The following KMT2C variants were observed in gnomAD, a reference collection of about 807,000 sequenced individuals.
The protein encoded by KMT2C is lysine methyltransferase 2C.
A neutral mutation model predicts 507.9 loss-of-function variants in KMT2C; 88 were observed. The ratio of observed to expected loss-of-function variants is 0.17; its 90% confidence interval spans 0.15 to 0.21. The LOEUF (loss-of-function observed/expected upper bound fraction) is 0.21. Ranked by LOEUF, KMT2C falls within the 10% of genes least tolerant of loss-of-function variation. The pLI, the probability that KMT2C is intolerant of heterozygous loss-of-function variation, is 1.00. For synonymous variants in KMT2C, 2,049 were observed against 2,080.8 expected, an observed-to-expected ratio of 0.98 and a Z score of 0.42; for missense variants, 4,954 against 5,957.8, an observed-to-expected ratio of 0.83 and a Z score of 5.55.
At chr7:152,371,378 G>A (rs1270092153) in intron 1 of KMT2C, among the ~76,000 whole-genome samples, 3 of 151,044 alleles carry the variant, frequency 2.0e-5, no homozygotes, top group Middle Eastern at 7.0e-3. Context: ...AAAAAAGGCT[G>A]TAGTAGATAC....
In KMT2C at chr7:152,144,971, C is replaced by G; in HGVS notation, c.14175-90G>C. On this transcript the variant is annotated intron_variant, in intron 54 of 58. Coordinates refer to ENST00000262189, the MANE Select transcript of KMT2C (RefSeq NM_170606.3). The surrounding 1 kb of genome is among the most constrained non-coding windows in gnomAD (Gnocchi z 4.4). ...GCCCAAAACCAGGTTAATTCAGATT[C>G]TTACTGACAGAAACATACATGGAAA... The G allele has an allele frequency of 7.0e-7, 1 of 1,426,420 alleles. No homozygotes were observed. The highest frequency in any genetic ancestry group is 1.4e-5 in the South Asian group (1 of 72,392). The allele number at this position is 1,426,420 out of a possible 1,614,324, so 88.4% of individuals were successfully genotyped here.
intron 31 of KMT2C, 65 bp from the exon 32 acceptor site, chr7:152,187,912 T>C: frequency 6.5e-7 from 1 of 1,532,572 alleles, no homozygotes; most frequent in Non-Finnish European, 9.0e-7. Context: ...GAAGTAAAGC[T>C]GGCCCTTGAA....
intron 6 of KMT2C, among the ~76,000 whole-genome samples, chr7:152,291,450 A>C (rs2096425810): frequency 6.6e-6 from 1 of 152,254 alleles, no homozygotes; most frequent in Non-Finnish European, 1.5e-5. Flanking sequence ...ATCAGGCTTT[A>C]AACACCTGAC....
Position 152,259,446 on chromosome 7 carries a change from GCACACACACA to G in KMT2C, c.1299+3560_1299+3569del, listed in dbSNP as rs372982101. Among the ~76,000 whole-genome samples, 568 of 134,786 alleles carry G rather than the reference GCACACACACA, an allele frequency of 4.2e-3. 1 individual carries two copies. Among genetic ancestry groups the G allele is most frequent in the Non-Finnish European group, 4.4e-3 (275 of 62,976 alleles). The allele number at this position is 134,786 out of a possible 152,430, so 88.4% of individuals were successfully genotyped here. ...GACAAAAACACAGACACACACACGCGCACACACACACACACACACACACACACACACACAC... is the reference window on the plus strand; with the variant it reads ...GACAAAAACACAGACACACACACGCGCACACACACACACACACACACACAC... On this transcript the variant is annotated intron_variant, in intron 9 of 58. Coordinates refer to ENST00000262189, the MANE Select transcript of KMT2C (RefSeq NM_170606.3).
rs184165121 is a variant in KMT2C at position 152,393,247 on chromosome 7, G to A, written c.162-34572C>T. 7.1e-3 allele frequency among the ~76,000 whole-genome samples: 1,074 copies of A among 152,204 alleles called. 5 individuals carry two copies. The highest frequency in any genetic ancestry group is 0.011 in the Non-Finnish European group (762 of 68,010). On this transcript the variant is annotated intron_variant, in intron 1 of 58. Transcript: ENST00000262189. ...CTATAAATTATGCATTGGACTCTGCGATCACCAGCCCCTACTTGTAAATTT... is the reference window on the plus strand; with the variant it reads ...CTATAAATTATGCATTGGACTCTGCAATCACCAGCCCCTACTTGTAAATTT...
intron 44 of KMT2C, chr7:152,158,018 G>T: frequency 1.2e-6 from 1 of 860,600 alleles, no homozygotes; most frequent in Non-Finnish European, 1.6e-6. Flanking sequence ...TGTTGAATAA[G>T]GCTTCAGAAA....
At chr7:152,269,719 A>G (rs1426826277) in intron 7 of KMT2C, among the ~76,000 whole-genome samples, 1 of 152,208 alleles carries the variant, frequency 6.6e-6, no homozygotes, top group East Asian at 1.9e-4. Context: ...GAAAGTGATG[A>G]GTATTTGAGT....
At chr7:152,167,048 C>CA (rs758737694) in intron 42 of KMT2C, 98 bp downstream of exon 42, 298 of 959,872 alleles carry the variant, frequency 3.1e-4, no homozygotes, top group Admixed American at 9.7e-4. Context: ...TAATACTAGT[C>CA]AAAAAAAATC....
chr7:152,344,226 G>C (rs1164403261), intron 2 of KMT2C, among the ~76,000 whole-genome samples: 1 of 152,046 alleles, frequency 6.6e-6, no homozygotes. Flanking sequence ...CTTATCCATG[G>C]GGAATATATT....
Position 152,162,940 on chromosome 7 carries a change from T to C in KMT2C, c.10637A>G (p.Gln3546Arg). ...HGNLSGTSFQQSPVRPSFTPA... is the reference protein window; with the variant it reads ...HGNLSGTSFQRSPVRPSFTPA... The stretch of plus-strand genomic sequence containing the variant: ...TGTAAAAGAAGGCCTCACTGGGGAC[T>C]GCTGGAAGCTGGTCCCAGAAAGATT... Residue 3546 changes from glutamine to arginine, a missense_variant, in exon 43 of 59, where the codon CAG becomes CGG. Gln to Arg is a conservative substitution (Grantham distance 43). Coordinates refer to ENST00000262189, the MANE Select transcript of KMT2C (RefSeq NM_170606.3). 1 of 1,614,196 alleles carries C rather than the reference T, an allele frequency of 6.2e-7. No individual in the cohort carries two copies. Among genetic ancestry groups the C allele is most frequent in the Non-Finnish European group, 8.5e-7 (1 of 1,180,030 alleles).
rs1461017596 is a variant in KMT2C at position 152,182,380 on chromosome 7, T to C, written c.5480A>G (p.Lys1827Arg). ...GNMSPAQSFH[K>R]ELFTKQPPST... ...GGGTGGCTGTTTTGTAAACAGTTCT[T>C]TATGGAATGACTGTGCAGGAGACAT... The change falls in exon 36 of 59, where the codon AAA becomes AGA. Residue 1827 changes from lysine (K) to arginine (R), a missense_variant. Lys to Arg is a conservative substitution (Grantham distance 26). Transcript: ENST00000262189. The C allele has an allele frequency of 1.9e-6, 3 of 1,613,450 alleles. No individual in the cohort carries two copies. Among genetic ancestry groups the C allele is most frequent in the Admixed American group, 3.3e-5 (2 of 59,948 alleles).
At chr7:152,294,852 A>G (rs953054107) in intron 6 of KMT2C, among the ~76,000 whole-genome samples, 1 of 152,062 alleles carries the variant, frequency 6.6e-6, no homozygotes, top group Non-Finnish European at 1.5e-5. Flanking sequence ...CCACCTTTTC[A>G]CTGGTTCTTC....
At chr7:152,170,287 T>A (rs574113140) in intron 40 of KMT2C, among the ~76,000 whole-genome samples, 2 of 152,182 alleles carry the variant, frequency 1.3e-5, no homozygotes, top group South Asian at 4.1e-4. Flanking sequence ...ATTATCAGCA[T>A]AATAAATCTA....
intron 18 of KMT2C, among the ~76,000 whole-genome samples, chr7:152,228,809 T>C (rs967970572): frequency 6.6e-6 from 1 of 152,198 alleles, no homozygotes; most frequent in Non-Finnish European, 1.5e-5. Context: ...TTTATGCATA[T>C]ATAACTCTAT....
At chr7:152,423,602 C>T (rs990895690) in intron 1 of KMT2C, among the ~76,000 whole-genome samples, 1 of 152,186 alleles carries the variant, frequency 6.6e-6, no homozygotes, top group Non-Finnish European at 1.5e-5. Context: ...AAGGGAGACA[C>T]TCCTGATGAC....
chr7:152,345,669 C>T (rs1398516724), intron 2 of KMT2C, among the ~76,000 whole-genome samples: 2 of 152,082 alleles, frequency 1.3e-5, no homozygotes, highest in East Asian at 1.9e-4. Flanking sequence ...GGACAGTACC[C>T]GCCACCATGC....
At chr7:152,376,828 A>T (rs2097331800) in intron 1 of KMT2C, among the ~76,000 whole-genome samples, 1 of 152,308 alleles carries the variant, frequency 6.6e-6, no homozygotes, top group African/African-American at 2.4e-5. Context: ...TTATGTAGAC[A>T]AAAGAGCCTT....
At chr7:152,286,991 C>A (rs1354947461) in intron 6 of KMT2C, among the ~76,000 whole-genome samples, 1 of 152,196 alleles carries the variant, frequency 6.6e-6, no homozygotes, top group Non-Finnish European at 1.5e-5. Flanking sequence ...AAGCCATATA[C>A]CTTTTGCAAA....
chr7:152,423,822 T>C (rs2097793868), intron 1 of KMT2C, among the ~76,000 whole-genome samples: 1 of 152,184 alleles, frequency 6.6e-6, no homozygotes, highest in Non-Finnish European at 1.5e-5. Flanking sequence ...GATGCTCAAA[T>C]ATATAAAGAT....
Sources: gnomAD v4.1 joint callset for allele counts (sites outside exome capture counted in the v4.1 genomes callset) on GRCh38, gnomAD v4.1.1 for gene constraint, Gnocchi (gnomAD v3.1) non-coding constraint, MANE v1.5 for transcripts, NCBI Gene and HGNC (gene_info 2026-07-23, HGNC 2026-07-21) for gene names.